Variants in ZNF343 observed in about 807,000 individuals in gnomAD.
ZNF343 encodes zinc finger protein 343.
Under a neutral mutation model 13.8 loss-of-function variants are expected in ZNF343, and 11 were observed. That is an observed-to-expected ratio of 0.80 (90% confidence interval 0.50 to 1.32). The LOEUF is 1.32. ZNF343 is among the 40% of genes most tolerant of loss of function. The pLI is 0.00. For missense variants in ZNF343, 658 were observed against 714.2 expected, an observed-to-expected ratio of 0.92 and a Z score of 0.90; for synonymous variants, 248 against 260.0, an observed-to-expected ratio of 0.95 and a Z score of 0.44.
Position 2,484,134 on chromosome 20 carries a change from C to T in ZNF343, c.827G>A (p.Arg276Gln), listed in dbSNP as rs1372588322. 1.5e-5 allele frequency: 25 copies of T among 1,614,102 alleles called. No homozygotes were observed. The highest frequency in any genetic ancestry group is 5.3e-5 in the African/African-American group (4 of 74,934). Residue 276 changes from arginine to glutamine, a missense_variant, in exon 6 of 6, where the codon CGA becomes CAA. Coordinates refer to ENST00000278772, the MANE Select transcript of ZNF343 (RefSeq NM_024325.6). ...GAGGGTTGATCTATCTTTAAAGCTTCGCCCACAATCACTGCAAATGTAGGG... is the reference window on the plus strand; with the variant it reads ...GAGGGTTGATCTATCTTTAAAGCTTTGCCCACAATCACTGCAAATGTAGGG... ...KKPYICSDCG[R>Q]SFKDRSTLIR...
In ZNF343 at chr20:2,490,687, G is replaced by A. The variant is rs186279540; in HGVS notation, c.304+2012C>T. Among the ~76,000 whole-genome samples, 1,138 of 152,014 alleles carry A rather than the reference G, an allele frequency of 7.5e-3. 9 individuals are homozygous for A. Among genetic ancestry groups the A allele is most frequent in the African/African-American group, 0.026 (1,095 of 41,458 alleles). On this transcript the variant is annotated intron_variant, in intron 5 of 5. Coordinates refer to ENST00000278772, the MANE Select transcript of ZNF343 (RefSeq NM_024325.6). ...TGAGTAGCTGGGATTACAGGTGCCC[G>A]CCACCACACTTGGCTATGAACCAGG...
At chr20:2,501,712 G>A (rs1394182689) in intron 1 of ZNF343, among the ~76,000 whole-genome samples, 1 of 152,234 alleles carries the variant, frequency 6.6e-6, no homozygotes, top group African/African-American at 2.4e-5. Context: ...GGTTTGGAGT[G>A]GACCTCCAGC....
At chr20:2,512,106 T>C (rs2085741661), upstream of ZNF343, among the ~76,000 whole-genome samples, 1 of 152,178 alleles carries the variant, frequency 6.6e-6, no homozygotes, top group African/African-American at 2.4e-5. Flanking sequence ...AGGAATAACT[T>C]TAACCAGGAA....
intron 5 of ZNF343, among the ~76,000 whole-genome samples, chr20:2,491,559 T>C (rs6114533): frequency 6.6e-6 from 1 of 152,178 alleles, no homozygotes; most frequent in Non-Finnish European, 1.5e-5. Context: ...GGTTTTTACA[T>C]TTTTAAATGG....
chr20:2,482,890 C>T lies in ZNF343; in HGVS notation c.*271G>A, dbSNP rs187228902. The T allele has an allele frequency of 5.7e-4, 255 of 448,978 alleles. No homozygotes were observed. Among genetic ancestry groups the T allele is most frequent in the Middle Eastern group, 4.7e-3 (8 of 1,690 alleles). The allele number at this position is 448,978 out of a possible 1,614,324, so 27.8% of individuals were successfully genotyped here. A position where few individuals can be genotyped will look rare whatever the true frequency, so the allele number is the denominator to read the frequency against. ...GTTGATTATTGCTAAAGCCTTCCCA[C>T]AGTCCCTACACATAAACTTCTCTCC... On this transcript the variant is annotated 3_prime_UTR_variant, in exon 6 of 6. Transcript: ENST00000278772.
intron 1 of ZNF343, among the ~76,000 whole-genome samples, chr20:2,516,230 G>T (rs2085759076): frequency 6.6e-6 from 1 of 152,240 alleles, no homozygotes. Context: ...AAATGTCCTG[G>T]TGCATGCCTG....
Position 2,494,007 on chromosome 20 carries a change from A to C in ZNF343, c.-112T>G. Reference sequence around the variant, plus strand: ...CCTGTGGTGACTTCTTCCAACCTTAATTATAAAAAGCCCAGCTTGTTTCCC... The same window carrying C: ...CCTGTGGTGACTTCTTCCAACCTTACTTATAAAAAGCCCAGCTTGTTTCCC... On this transcript the variant is annotated 5_prime_UTR_variant, in exon 3 of 6. Transcript: ENST00000278772. The C allele has an allele frequency of 1.3e-6, 1 of 773,430 alleles. No individual in the cohort carries two copies. Among genetic ancestry groups the C allele is most frequent in the Non-Finnish European group, 2.2e-6 (1 of 451,894 alleles). The allele number at this position is 773,430 out of a possible 1,614,324, so 47.9% of individuals were successfully genotyped here. A position where few individuals can be genotyped will look rare whatever the true frequency, so the allele number is the denominator to read the frequency against.
chr20:2,488,630 CTATTTTTCCACCTT>C (rs1221741136), intron 5 of ZNF343, among the ~76,000 whole-genome samples: 3 of 152,100 alleles, frequency 2.0e-5, no homozygotes, highest in Non-Finnish European at 4.4e-5. Flanking sequence ...GCATTCTTGC[CTATTTTTCCACCTT>C]TATTTTTCCA....
In ZNF343 at chr20:2,508,544, A is replaced by G. The variant is rs2085705607; in HGVS notation, c.-237+337T>C. ...CCCCACAGCCCAAATAAACCCCAGGACGCACGACTGGGGCCGCCCTCCGTA... is the reference window on the plus strand; with the variant it reads ...CCCCACAGCCCAAATAAACCCCAGGGCGCACGACTGGGGCCGCCCTCCGTA... On this transcript the variant is annotated intron_variant, in intron 1 of 5. Transcript: ENST00000278772. The surrounding 1 kb of genome is among the most constrained non-coding windows in gnomAD (Gnocchi z 4.5). Among the ~76,000 whole-genome samples, 2 of 152,172 alleles carry G rather than the reference A, an allele frequency of 1.3e-5. No homozygotes were observed. The highest frequency in any genetic ancestry group is 4.8e-5 in the African/African-American group (2 of 41,442).
upstream of ZNF343, among the ~76,000 whole-genome samples, chr20:2,512,919 CAA>C (rs71193970): frequency 0.48 from 59,894 of 125,206 alleles, 13,566 homozygotes; most frequent in South Asian, 0.58. Context: ...ATTTCTCTAC[CAA>C]AAAAAAAAAA....
At chr20:2,522,187 C>T (rs1317288978) in intron 1 of ZNF343, among the ~76,000 whole-genome samples, 4 of 152,118 alleles carry the variant, frequency 2.6e-5, no homozygotes, top group African/African-American at 9.7e-5. Context: ...CTTGATTTCA[C>T]CTAAAATGCT....
upstream of ZNF343, chr20:2,509,109 C>T (rs939640336): frequency 3.3e-5 from 5 of 152,214 alleles, no homozygotes; most frequent in Non-Finnish European, 5.9e-5. Flanking sequence ...GTCCCCTTGG[C>T]CCATTCTGCA....
chr20:2,514,640 T>C (rs773663161), intron 1 of ZNF343, among the ~76,000 whole-genome samples: 1 of 152,118 alleles, frequency 6.6e-6, no homozygotes, highest in South Asian at 2.1e-4. Context: ...ATTATATATA[T>C]CTTTTAAAAA....
intron 2 of ZNF343, among the ~76,000 whole-genome samples, chr20:2,496,667 A>T (rs1290781379): frequency 6.6e-6 from 1 of 152,168 alleles, no homozygotes; most frequent in African/African-American, 2.4e-5. Context: ...ACGAAAGTGG[A>T]CACAGTGTAG....
At chr20:2,502,020 A>G (rs924148367) in intron 1 of ZNF343, among the ~76,000 whole-genome samples, 2 of 152,222 alleles carry the variant, frequency 1.3e-5, no homozygotes, top group African/African-American at 4.8e-5. Context: ...ACTCTGAGCT[A>G]AAGGAGGAAG....
intron 1 of ZNF343, among the ~76,000 whole-genome samples, chr20:2,515,800 G>A (rs1031399424): frequency 2.0e-5 from 3 of 152,104 alleles, no homozygotes; most frequent in East Asian, 1.9e-4. Context: ...CTTAGACTTC[G>A]AGGTTCAACA....
At chr20:2,517,275 A>G (rs994275076) in intron 1 of ZNF343, among the ~76,000 whole-genome samples, 10 of 152,242 alleles carry the variant, frequency 6.6e-5, no homozygotes, top group Admixed American at 6.5e-4. Context: ...GTATGTGTTT[A>G]TGTATTTGTA....
intron 1 of ZNF343, among the ~76,000 whole-genome samples, chr20:2,514,698 C>G (rs2085751504): frequency 6.6e-6 from 1 of 152,042 alleles, no homozygotes; most frequent in Non-Finnish European, 1.5e-5. Context: ...GAAGCCAAAG[C>G]AGGCCAGGCA....
upstream of ZNF343, among the ~76,000 whole-genome samples, chr20:2,510,031 T>C (rs968184127): frequency 5.9e-5 from 9 of 152,350 alleles, no homozygotes; most frequent in East Asian, 1.7e-3. Flanking sequence ...GATAGTGCCC[T>C]TATCTCCCTG....
Sources: allele counts gnomAD v4.1 joint callset (sites outside exome capture counted in the v4.1 genomes callset), GRCh38; gene constraint gnomAD v4.1.1; non-coding constraint Gnocchi (gnomAD v3.1); transcripts MANE v1.5; gene names NCBI Gene and HGNC (gene_info 2026-07-23, HGNC 2026-07-21).